FYN: variants seen among roughly 807,000 people sequenced by gnomAD.
FYN encodes the protein tyrosine-protein kinase Fyn.
Under a neutral mutation model 70.2 loss-of-function variants are expected in FYN, and 10 were observed. The ratio of observed to expected loss-of-function variants is 0.14; its 90% CI spans 0.09 to 0.24. The LOEUF is 0.24. Among genes scored for constraint, FYN ranks in the 10% least tolerant of loss-of-function variants. The pLI, the probability that FYN is intolerant of heterozygous loss-of-function variation, is 1.00. For synonymous variants in FYN, 236 were observed against 248.6 expected, an observed-to-expected ratio of 0.95 and a Z score of 0.48; for missense variants, 319 against 673.1, an observed-to-expected ratio of 0.47 and a Z score of 5.82.
chr6:111,821,935 A>G (rs1338358538), intron 2 of FYN, among the ~76,000 whole-genome samples: 1 of 151,322 alleles, frequency 6.6e-6, no homozygotes, highest in Non-Finnish European at 1.5e-5. Flanking sequence ...ATGAGATACC[A>G]TCTCACACCA....
At chr6:111,845,283 G>A (rs1773493218) in intron 2 of FYN, among the ~76,000 whole-genome samples, 1 of 152,112 alleles carries the variant, frequency 6.6e-6, no homozygotes, top group Non-Finnish European at 1.5e-5. Context: ...AGTCCAGAAG[G>A]GTCACAGTAT....
intron 13 of FYN, among the ~76,000 whole-genome samples, chr6:111,668,742 G>C (rs1239602143): frequency 1.3e-5 from 2 of 152,152 alleles, no homozygotes; most frequent in Non-Finnish European, 2.9e-5. Context: ...GGGCATTCCA[G>C]GCAGGGTTCC....
intron 3 of FYN, among the ~76,000 whole-genome samples, chr6:111,743,208 G>A (rs1802060359): frequency 1.3e-5 from 2 of 152,072 alleles, no homozygotes; most frequent in Non-Finnish European, 1.5e-5. Flanking sequence ...CTCGTGATCT[G>A]CCCACCTTGG....
intron 12 of FYN, among the ~76,000 whole-genome samples, chr6:111,693,185 T>A (rs1252917967): frequency 6.6e-6 from 1 of 151,968 alleles, no homozygotes; most frequent in Non-Finnish European, 1.5e-5. Context: ...AGGGAGAGGA[T>A]AATTGGCATG....
chr6:111,714,897 G>A (rs150783061), intron 4 of FYN, among the ~76,000 whole-genome samples: 5 of 152,254 alleles, frequency 3.3e-5, no homozygotes, highest in African/African-American at 4.8e-5. Context: ...AACATAGAAC[G>A]TAATAGGAAA....
intron 8 of FYN, 63 bp downstream of exon 8, chr6:111,702,822 C>T (rs1310918600): frequency 2.6e-6 from 4 of 1,536,576 alleles, no homozygotes; most frequent in African/African-American, 2.7e-5. Flanking sequence ...CACTTTCCTG[C>T]TCTGGGCCTA....
At chr6:111,705,186 G>A (rs2128447744) in intron 6 of FYN, among the ~76,000 whole-genome samples, 1 of 152,246 alleles carries the variant, frequency 6.6e-6, no homozygotes, top group Admixed American at 6.5e-5. Context: ...ATTAAAAAAA[G>A]TCAGATTAGA....
Position 111,694,490 on chromosome 6 carries a change from A to G in FYN, c.1158T>C (p.Tyr386=). ...TTGCTGATCGCAGATCTCTATGGAT[A>G]TAATTCATGCGCTCGATGTAAGCCA... ...AGMAYIERMN[Y]IHRDLRSANI... The change falls in exon 12 of 14, where the codon TAT becomes TAC. Residue 386 remains tyrosine (Y), a synonymous_variant. Coordinates refer to ENST00000354650, the MANE Select transcript of FYN (RefSeq NM_002037.5). The surrounding 1 kb of genome is among the most constrained non-coding windows in gnomAD (Gnocchi z 5.0). 6 of 1,614,240 alleles carry G rather than the reference A, an allele frequency of 3.7e-6. No individual in the cohort carries two copies. Among genetic ancestry groups the G allele is most frequent in the Non-Finnish European group, 4.2e-6 (5 of 1,180,044 alleles).
At chr6:111,736,387 CAGAGGATGT>C (rs1387403229) in intron 3 of FYN, among the ~76,000 whole-genome samples, 2 of 152,164 alleles carry the variant, frequency 1.3e-5, no homozygotes, top group Non-Finnish European at 2.9e-5. Flanking sequence ...TTAGAACAGT[CAGAGGATGT>C]AAACTCTTGC....
At chr6:111,794,994 A>G (rs1771757869) in intron 2 of FYN, among the ~76,000 whole-genome samples, 1 of 152,162 alleles carries the variant, frequency 6.6e-6, no homozygotes, top group African/African-American at 2.4e-5. Context: ...ACAACCCGCT[A>G]AAGCACACTC....
intron 3 of FYN, among the ~76,000 whole-genome samples, chr6:111,732,987 A>G (rs1801540808): frequency 6.6e-6 from 1 of 152,148 alleles, no homozygotes; most frequent in Non-Finnish European, 1.5e-5. Context: ...GGGGGAGGGC[A>G]TGCAGTGGGA....
At chr6:111,846,287 G>A (rs1773525575) in intron 2 of FYN, among the ~76,000 whole-genome samples, 1 of 152,154 alleles carries the variant, frequency 6.6e-6, no homozygotes, top group African/African-American at 2.4e-5. Flanking sequence ...CCATGGGACA[G>A]CTGTTCCATT....
At chr6:111,807,760 T>A (rs1169489735) in intron 2 of FYN, among the ~76,000 whole-genome samples, 2 of 151,636 alleles carry the variant, frequency 1.3e-5, no homozygotes, top group East Asian at 3.9e-4. Context: ...CCCCAGGGGG[T>A]TCTGAAGCAC....
chr6:111,722,699 A>T (rs1801012495), intron 3 of FYN, among the ~76,000 whole-genome samples: 1 of 152,174 alleles, frequency 6.6e-6, no homozygotes, highest in South Asian at 2.1e-4. Flanking sequence ...TTGGGTTGTC[A>T]CACTCAGAGG....
At chr6:111,726,094 T>G (rs1236244775) in intron 3 of FYN, among the ~76,000 whole-genome samples, 1 of 152,192 alleles carries the variant, frequency 6.6e-6, no homozygotes, top group Non-Finnish European at 1.5e-5. Flanking sequence ...AGAACCTGAA[T>G]GAACCTGGAA....
chr6:111,777,588 G>A (rs996026894), intron 3 of FYN, among the ~76,000 whole-genome samples: 4 of 151,952 alleles, frequency 2.6e-5, no homozygotes, highest in Admixed American at 2.6e-4. Context: ...TCCCCTAACT[G>A]TGACAACCCA....
intron 3 of FYN, among the ~76,000 whole-genome samples, chr6:111,769,170 T>C (rs1803343652): frequency 6.6e-6 from 1 of 152,214 alleles, no homozygotes; most frequent in African/African-American, 2.4e-5. Flanking sequence ...TCATTTGTAT[T>C]ACAAGAGGGC....
chr6:111,796,350 A>G (rs904309119), intron 2 of FYN, among the ~76,000 whole-genome samples: 4 of 152,364 alleles, frequency 2.6e-5, no homozygotes, highest in African/African-American at 9.6e-5. Flanking sequence ...TTAGATACAC[A>G]AATATTTACC....
chr6:111,809,279 A>G (rs1468525191), intron 2 of FYN, among the ~76,000 whole-genome samples: 3 of 152,220 alleles, frequency 2.0e-5, no homozygotes, highest in African/African-American at 4.8e-5. Context: ...AACTAACGTC[A>G]GTTCCACTAA....
Sources: allele counts gnomAD v4.1 joint callset (sites outside exome capture counted in the v4.1 genomes callset), GRCh38; gene constraint gnomAD v4.1.1; non-coding constraint Gnocchi (gnomAD v3.1); transcripts MANE v1.5; gene names NCBI Gene and HGNC (gene_info 2026-07-23, HGNC 2026-07-21).